Variants in SLC12A6 observed in about 807,000 individuals in gnomAD.
The protein encoded by SLC12A6 is solute carrier family 12 member 6.
In SLC12A6, 66 loss-of-function variants were observed where a neutral mutation model predicts 135.3. The observed-to-expected ratio is 0.49, with a 90% CI of 0.40 to 0.60. The LOEUF is 0.60. Ranked by LOEUF, SLC12A6 falls within the 20% of genes least tolerant of loss-of-function variation. SLC12A6 has a pLI of 0.00. For missense variants in SLC12A6, 1,058 were observed against 1,452.3 expected (o/e 0.73, Z 4.41); for synonymous variants, 513 against 508.8 (o/e 1.01, Z -0.11).
chr15:34,233,735 T>C lies in SLC12A6; in HGVS notation c.*146A>G. ...GATGGGAGCTCTTTTACACAGGTAC[T>C]TGAGGCTCAGCTCATCAAGAGTTCA... On this transcript the variant is annotated 3_prime_UTR_variant, in exon 26 of 26. Coordinates refer to ENST00000354181, the MANE Select transcript of SLC12A6 (RefSeq NM_001365088.1). 1.4e-6 allele frequency: 1 copy of C among 695,306 alleles called. No homozygotes were observed. Among genetic ancestry groups the C allele is most frequent in the Admixed American group, 2.0e-5 (1 of 48,870 alleles). The allele number at this position is 695,306 out of a possible 1,614,324, so 43.1% of individuals were successfully genotyped here. A position where few individuals can be genotyped will look rare whatever the true frequency, so the allele number is the denominator to read the frequency against.
At chr15:34,243,449 A>G (rs895334692) in intron 16 of SLC12A6, among the ~76,000 whole-genome samples, 3 of 152,230 alleles carry the variant, frequency 2.0e-5, no homozygotes, top group Non-Finnish European at 4.4e-5. Context: ...TGACCCCTTC[A>G]GGACTGGGGA....
rs534773171 is a variant in SLC12A6, at chr15:34,319,803, AAAAAAGAAAG to A, written c.271+16597_271+16606del. Among the ~76,000 whole-genome samples the A allele has an allele frequency of 6.1e-3, 923 of 152,094 alleles. 14 individuals are homozygous for A. The highest frequency in any genetic ancestry group is 0.021 in the African/African-American group (864 of 41,516). On this transcript the variant is annotated intron_variant, in intron 2 of 25. Transcript: ENST00000354181. Reference sequence around the variant, plus strand: ...GACAGAGCGAGACTCTGTCTAAAAAAAAAAAGAAAGAAAAAGAAAAAAATATATATGTTTA... The same window carrying A: ...GACAGAGCGAGACTCTGTCTAAAAAAAAAAAGAAAAAAATATATATGTTTA...
In SLC12A6 at chr15:34,239,052, C is replaced by T. The variant is rs1258359464; in HGVS notation, c.2545G>A (p.Gly849Arg). The T allele has an allele frequency of 6.2e-7, 1 of 1,614,186 alleles. No individual in the cohort carries two copies. The highest frequency in any genetic ancestry group is 8.5e-7 in the Non-Finnish European group (1 of 1,180,012). ...ISHLIQSCGL[G>R]GMKHNTVVMG... Reference sequence around the variant, plus strand: ...ACCACCGTGTTGTGCTTCATGCCCCCAAGGCCACATGACTGGATGAGGTGG... The same window carrying T: ...ACCACCGTGTTGTGCTTCATGCCCCTAAGGCCACATGACTGGATGAGGTGG... Residue 849 changes from glycine (G) to arginine (R), a missense_variant, in exon 20 of 26, where the codon GGG becomes AGG. By Grantham distance (125) the Gly-to-Arg change is moderately radical (BLOSUM62 -2). Transcript: ENST00000354181.
At chr15:34,264,971 C>T (rs756117271) in intron 3 of SLC12A6, among the ~76,000 whole-genome samples, 1 of 152,058 alleles carries the variant, frequency 6.6e-6, no homozygotes, top group Non-Finnish European at 1.5e-5. Flanking sequence ...CCGAGGCGGG[C>T]GAATCACGAG....
intron 4 of SLC12A6, 39 bp from the exon 5 acceptor site, chr15:34,258,983 AAC>A: frequency 3.9e-6 from 6 of 1,534,202 alleles, no homozygotes; most frequent in Non-Finnish European, 5.4e-6. Flanking sequence ...AGCTACAAAG[AAC>A]ACTGAACATA....
intron 2 of SLC12A6, among the ~76,000 whole-genome samples, chr15:34,308,645 AAAAAAAAC>A (rs1282672538): frequency 6.8e-6 from 1 of 146,646 alleles, no homozygotes; most frequent in Non-Finnish European, 1.5e-5. Flanking sequence ...AAAAAAAAAA[AAAAAAAAC>A]AAACCAGATT....
At chr15:34,318,477 A>T (rs891216381) in intron 2 of SLC12A6, 2 of 1,055,604 alleles carry the variant, frequency 1.9e-6, no homozygotes, top group Non-Finnish European at 3.0e-6. Flanking sequence ...TGTCCTAAAG[A>T]AGGCATTTTG....
chr15:34,236,370 G>C (rs1049154871), intron 23 of SLC12A6, among the ~76,000 whole-genome samples, 171 bp from the exon 24 acceptor site: 1 of 151,920 alleles, frequency 6.6e-6, no homozygotes. Flanking sequence ...GTTTGAGACA[G>C]AGTCTTCCTC....
At chr15:34,252,434 T>C (rs753029922) in intron 9 of SLC12A6, 50 bp from the exon 10 acceptor site, 8 of 1,132,860 alleles carry the variant, frequency 7.1e-6, no homozygotes, top group Non-Finnish European at 1.1e-5. Flanking sequence ...AAAAAGTACA[T>C]TAAAAAAAAA....
intron 2 of SLC12A6, among the ~76,000 whole-genome samples, chr15:34,324,191 T>C (rs1443668817): frequency 6.6e-6 from 1 of 152,016 alleles, no homozygotes; most frequent in East Asian, 1.9e-4. Flanking sequence ...AGCCCAGATA[T>C]CCATCAATAA....
At chr15:34,248,348 T>C (rs534352433) in intron 13 of SLC12A6, among the ~76,000 whole-genome samples, 5 of 152,274 alleles carry the variant, frequency 3.3e-5, no homozygotes, top group Admixed American at 6.5e-5. Flanking sequence ...TGTGCAAGCA[T>C]TTCTGTTAGA....
At chr15:34,289,382 T>C (rs995055294) in intron 2 of SLC12A6, among the ~76,000 whole-genome samples, 1 of 152,220 alleles carries the variant, frequency 6.6e-6, no homozygotes, top group Admixed American at 6.5e-5. Context: ...TGGATTCGGT[T>C]TGCCAGTATT....
chr15:34,318,367 GA>G (rs1888798980), intron 2 of SLC12A6, among the ~76,000 whole-genome samples: 1 of 152,172 alleles, frequency 6.6e-6, no homozygotes, highest in African/African-American at 2.4e-5. Context: ...TCATTGTGGG[GA>G]AAAACAATCC....
At chr15:34,247,897 T>C (rs986472169) in intron 13 of SLC12A6, among the ~76,000 whole-genome samples, 1 of 152,072 alleles carries the variant, frequency 6.6e-6, no homozygotes, top group African/African-American at 2.4e-5. Flanking sequence ...AGTGACAAAG[T>C]CTTGCTATGT....
chr15:34,252,515 C>G (rs1459966460), intron 9 of SLC12A6, 131 bp from the exon 10 acceptor site: 1 of 649,714 alleles, frequency 1.5e-6, no homozygotes, highest in East Asian at 2.7e-5. Flanking sequence ...GGGAAAGGAA[C>G]TAATGTTTAT....
At chr15:34,277,441 A>AC (rs918548997) in intron 2 of SLC12A6, among the ~76,000 whole-genome samples, 10 of 151,754 alleles carry the variant, frequency 6.6e-5, no homozygotes, top group African/African-American at 2.4e-4. Context: ...CTCTCCCCCA[A>AC]CCCCCCACTA....
rs891181700 is a variant in SLC12A6 at position 34,278,039 on chromosome 15, C to A, written c.272-2650G>T. On this transcript the variant is annotated intron_variant, in intron 2 of 25. Coordinates refer to ENST00000354181, the MANE Select transcript of SLC12A6 (RefSeq NM_001365088.1). Reference sequence around the variant, plus strand: ...AGTTATTCGAAATTGCCAGGGAATACAACCTATGAAGAGAAATAGGAAAAC... The same window carrying A: ...AGTTATTCGAAATTGCCAGGGAATAAAACCTATGAAGAGAAATAGGAAAAC... Among the ~76,000 whole-genome samples, 10 of 152,288 alleles carry A rather than the reference C, an allele frequency of 6.6e-5. No homozygotes were observed. The East Asian group carries it at 1.5e-3, about 23-fold the overall frequency.
chr15:34,279,758 C>T (rs1894548172), intron 2 of SLC12A6, among the ~76,000 whole-genome samples: 1 of 151,980 alleles, frequency 6.6e-6, no homozygotes, highest in Admixed American at 6.5e-5. Context: ...ACTCTTAGGA[C>T]AAAATACAAT....
At chr15:34,255,815 A>T (rs1392964407) in intron 7 of SLC12A6, among the ~76,000 whole-genome samples, 1 of 151,752 alleles carries the variant, frequency 6.6e-6, no homozygotes, top group East Asian at 1.9e-4. Context: ...TGTAAAAAAA[A>T]AAAAATAGCC....
Sources: allele counts gnomAD v4.1 joint callset (sites outside exome capture counted in the v4.1 genomes callset), GRCh38; gene constraint gnomAD v4.1.1; transcripts MANE v1.5; gene names NCBI Gene and HGNC (gene_info 2026-07-23, HGNC 2026-07-21).